Variants in PRLR observed in about 807,000 individuals in gnomAD.
PRLR encodes the protein prolactin receptor.
Under a neutral mutation model 40.2 loss-of-function variants are expected in PRLR, and 13 were observed. The observed-to-expected ratio is 0.32, with a 90% CI of 0.21 to 0.51. The LOEUF (loss-of-function observed/expected upper bound fraction) is 0.51, where lower values mean the gene tolerates loss of function less well. Among genes scored for constraint, PRLR ranks in the 20% least tolerant of loss-of-function variants. The pLI is 0.97. For synonymous variants in PRLR, 269 were observed against 278.7 expected (o/e 0.97, Z 0.35); for missense variants, 656 against 747.3 (o/e 0.88, Z 1.42).
At chr5:35,224,922 C>T (rs1387527187) in intron 1 of PRLR, among the ~76,000 whole-genome samples, 1 of 91,454 alleles carries the variant, frequency 1.1e-5, no homozygotes, top group African/African-American at 3.1e-5. Context: ...AGCTAGTGGA[C>T]AAAAGAAACC....
chr5:35,066,100 C>G lies in PRLR; in HGVS notation c.858G>C (p.Lys286Asn). ...CACTCAGTAGTTCTTCAGACTTGCC[C>G]TTCTATTAAAACACAGACACAAGAA... ...IKGFDAHLLE[K>N]GKSEELLSAL... Residue 286 changes from lysine (K) to asparagine (N), a missense_variant and splice_region_variant, in exon 10 of 10, where the codon AAG becomes AAC. Physicochemically the swap from Lys to Asn is moderately conservative, Grantham distance 94 (BLOSUM62 0). This residue lies in a region of PRLR where 469 missense variants were observed against 491.5 expected (regional missense o/e 0.95). Transcript: ENST00000618457. The G allele has an allele frequency of 6.2e-7, 1 of 1,612,066 alleles. No homozygotes were observed. Among genetic ancestry groups the G allele is most frequent in the Non-Finnish European group, 8.5e-7 (1 of 1,178,894 alleles).
At chr5:35,172,174 A>G (rs1306403306) in intron 1 of PRLR, among the ~76,000 whole-genome samples, 1 of 152,232 alleles carries the variant, frequency 6.6e-6, no homozygotes, top group Non-Finnish European at 1.5e-5. Context: ...GGACACAGTG[A>G]ACATTCAGTC....
intron 1 of PRLR, among the ~76,000 whole-genome samples, chr5:35,221,337 T>C (rs1776413635): frequency 6.6e-6 from 1 of 152,220 alleles, no homozygotes; most frequent in Non-Finnish European, 1.5e-5. Context: ...GTCTCATAAT[T>C]AATTAGCAAG....
At chr5:35,098,182 C>G (rs916573593) in intron 2 of PRLR, among the ~76,000 whole-genome samples, 3 of 152,074 alleles carry the variant, frequency 2.0e-5, no homozygotes, top group Admixed American at 6.6e-5. Flanking sequence ...TGTGAATGGT[C>G]GTGATGTTTT....
intron 1 of PRLR, among the ~76,000 whole-genome samples, chr5:35,206,185 A>G (rs1486481911): frequency 6.6e-6 from 1 of 152,104 alleles, no homozygotes; most frequent in Non-Finnish European, 1.5e-5. Flanking sequence ...TAATAGTACT[A>G]ATTTGTCCAC....
chr5:35,099,448 A>T (rs1771725771), intron 2 of PRLR, among the ~76,000 whole-genome samples: 1 of 152,242 alleles, frequency 6.6e-6, no homozygotes, highest in South Asian at 2.1e-4. Flanking sequence ...AATTATGTGC[A>T]GTATATATAC....
intron 2 of PRLR, among the ~76,000 whole-genome samples, chr5:35,094,421 A>G (rs916347279): frequency 4.6e-5 from 7 of 152,148 alleles, no homozygotes; most frequent in Non-Finnish European, 1.0e-4. Context: ...ATGAAATACC[A>G]TAACTCATTT....
chr5:35,109,641 G>A (rs1292016583), intron 2 of PRLR, among the ~76,000 whole-genome samples: 1 of 152,160 alleles, frequency 6.6e-6, no homozygotes, highest in African/African-American at 2.4e-5. Flanking sequence ...GGCCATCAGA[G>A]AAATGCAAAT....
chr5:35,096,435 C>A (rs16871820), intron 2 of PRLR, among the ~76,000 whole-genome samples: 3,504 of 152,208 alleles, frequency 0.023, 137 homozygotes, highest in African/African-American at 0.079. Context: ...GGAAAACCCA[C>A]GTTGGCCTGA....
chr5:35,110,532 G>A (rs767545509), intron 2 of PRLR, among the ~76,000 whole-genome samples: 6 of 151,830 alleles, frequency 4.0e-5, no homozygotes, highest in East Asian at 3.9e-4. Flanking sequence ...TCCTCACACC[G>A]CTCTAAAATC....
chr5:35,129,667 C>T (rs961185708), intron 1 of PRLR, among the ~76,000 whole-genome samples: 3 of 138,284 alleles, frequency 2.2e-5, no homozygotes, highest in African/African-American at 6.8e-5. Flanking sequence ...GCACTGTAAT[C>T]AATTTTTTTT....
intron 8 of PRLR, chr5:35,049,472 CCT>C (rs1211902582): frequency 1.5e-6 from 1 of 667,586 alleles, no homozygotes; most frequent in African/African-American, 1.8e-5. Flanking sequence ...GGAGGTTATA[CCT>C]CTTTTATTTA....
chr5:35,131,222 G>C (rs150776243), intron 1 of PRLR, among the ~76,000 whole-genome samples: 1 of 152,168 alleles, frequency 6.6e-6, no homozygotes, highest in African/African-American at 2.4e-5. Context: ...AGTGAAAAAA[G>C]TTGGATGGTA....
intron 1 of PRLR, among the ~76,000 whole-genome samples, chr5:35,140,147 C>T (rs779241349): frequency 4.3e-4 from 65 of 152,178 alleles, no homozygotes; most frequent in East Asian, 1.7e-3. Flanking sequence ...AGAAATGATG[C>T]GCTATTATGT....
At chr5:35,086,608 G>C (rs970544348) in intron 3 of PRLR, among the ~76,000 whole-genome samples, 1 of 151,020 alleles carries the variant, frequency 6.6e-6, no homozygotes, top group African/African-American at 2.5e-5. Context: ...TTGAGATGGA[G>C]ATAACAATAG....
intron 8 of PRLR, among the ~76,000 whole-genome samples, chr5:35,050,254 T>G (rs1246735455): frequency 1.3e-5 from 2 of 152,242 alleles, no homozygotes; most frequent in African/African-American, 4.8e-5. Context: ...AATTACGTGA[T>G]GTCCACAAAA....
chr5:35,150,791 C>T lies in PRLR; in HGVS notation c.-105-32669G>A, dbSNP rs1208148624. Among the ~76,000 whole-genome samples, 3 of 152,098 alleles carry T rather than the reference C, an allele frequency of 2.0e-5. 1 individual carries two copies. The highest frequency in any genetic ancestry group is 1.5e-5 in the Non-Finnish European group (1 of 68,018). On this transcript the variant is annotated intron_variant, in intron 1 of 9. Transcript: ENST00000618457. ...CTTATTTCACATGCCTTAGAGGAGA[C>T]AGGACAAAGTCGGAGCTGAAAGAGA...
chr5:35,200,053 G>A (rs1276254113), intron 1 of PRLR, among the ~76,000 whole-genome samples: 1 of 152,220 alleles, frequency 6.6e-6, no homozygotes, highest in Non-Finnish European at 1.5e-5. Flanking sequence ...TGCCAAGAAA[G>A]AAGAGGTAGT....
downstream of PRLR, among the ~76,000 whole-genome samples, chr5:35,053,363 A>T (rs1768571070): frequency 1.3e-5 from 2 of 152,250 alleles, no homozygotes; most frequent in Non-Finnish European, 2.9e-5. Context: ...GTATTAAAAC[A>T]TCAGTGGGAC....
Sources: allele counts gnomAD v4.1 joint callset (sites outside exome capture counted in the v4.1 genomes callset), GRCh38; gene constraint gnomAD v4.1.1; regional missense constraint gnomAD v4.1.1; transcripts MANE v1.5; gene names NCBI Gene and HGNC (gene_info 2026-07-23, HGNC 2026-07-21).